OPRM1: variants seen among roughly 807,000 people sequenced by gnomAD.
The protein encoded by OPRM1 is opioid receptor mu 1, also known as mu-type opioid receptor.
Under a neutral mutation model 31.8 loss-of-function variants are expected in OPRM1, and 27 were observed. The ratio of observed to expected loss-of-function variants is 0.85; its 90% CI spans 0.63 to 1.17. The LOEUF (loss-of-function observed/expected upper bound fraction) is 1.17. OPRM1 is among the 50% of genes most tolerant of loss of function. OPRM1 has a pLI of 0.00. For missense variants in OPRM1, 536 were observed against 511.1 expected, an observed-to-expected ratio of 1.05 and a Z score of -0.47; for synonymous variants, 196 against 189.9, an observed-to-expected ratio of 1.03 and a Z score of -0.26.
rs1562472667 is a variant in OPRM1, at chr6:154,100,159, G to GACA, written c.1164+8687_1164+8688insACA. 6.4e-3 allele frequency among the ~76,000 whole-genome samples: 433 copies of GACA among 68,156 alleles called. 47 individuals carry two copies. The highest frequency in any genetic ancestry group is 0.024 in the African/African-American group (391 of 16,156). 44.7% of individuals were successfully genotyped at this position (68,156 alleles called of 152,430 possible). On this transcript the variant is annotated intron_variant, in intron 3 of 3. Transcript: ENST00000330432. ...ATAATATATATTATCATATTATGACGTATCATAATATATATTATCATATTA... is the reference window on the plus strand; with the variant it reads ...ATAATATATATTATCATATTATGACGACATATCATAATATATATTATCATATTA...
chr6:154,132,736 A>G (rs561555778), downstream of OPRM1, among the ~76,000 whole-genome samples: 2 of 152,314 alleles, frequency 1.3e-5, no homozygotes, highest in South Asian at 4.1e-4. Flanking sequence ...CAAGAAACAA[A>G]GAGTTTGATA....
At chr6:154,243,676 G>A (rs1780783126) in intron 3 of OPRM1, among the ~76,000 whole-genome samples, 1 of 152,186 alleles carries the variant, frequency 6.6e-6, no homozygotes, top group Admixed American at 6.5e-5. Flanking sequence ...CAGAAAACAG[G>A]GTGGTCTTAA....
chr6:154,166,638 T>C (rs1799457591), intron 3 of OPRM1, among the ~76,000 whole-genome samples: 1 of 152,192 alleles, frequency 6.6e-6, no homozygotes, highest in Non-Finnish European at 1.5e-5. Flanking sequence ...ATCATGTATT[T>C]GTTTTCCTCT....
chr6:154,171,630 T>C (rs1017790217), intron 3 of OPRM1, among the ~76,000 whole-genome samples: 2 of 152,214 alleles, frequency 1.3e-5, no homozygotes, highest in Non-Finnish European at 2.9e-5. Flanking sequence ...ATGTGAAATA[T>C]ATCTCAATAA....
chr6:154,175,846 A>G (rs1278018591), intron 3 of OPRM1, among the ~76,000 whole-genome samples: 1 of 152,178 alleles, frequency 6.6e-6, no homozygotes, highest in Non-Finnish European at 1.5e-5. Flanking sequence ...TCCTGATACC[A>G]AAGCCTGGCA....
At chr6:154,196,541 A>T (rs1309058168) in intron 3 of OPRM1, among the ~76,000 whole-genome samples, 1 of 152,232 alleles carries the variant, frequency 6.6e-6, no homozygotes, top group Non-Finnish European at 1.5e-5. Context: ...GCTTTTCAGC[A>T]TCCAGAGTAA....
intron 1 of OPRM1, among the ~76,000 whole-genome samples, chr6:154,085,255 A>G (rs1790253229): frequency 6.6e-6 from 1 of 152,218 alleles, no homozygotes; most frequent in Non-Finnish European, 1.5e-5. Flanking sequence ...AAAGTCATAT[A>G]TGCAACATAA....
At chr6:154,144,748 CAAAAA>C (rs58367883) in intron 3 of OPRM1, among the ~76,000 whole-genome samples, 1 of 70,504 alleles carries the variant, frequency 1.4e-5, no homozygotes, top group Non-Finnish European at 2.7e-5. Flanking sequence ...GACTCTGTCT[CAAAAA>C]AAAAAAAAAA....
intron 3 of OPRM1, among the ~76,000 whole-genome samples, chr6:154,203,231 A>C (rs1195940274): frequency 6.6e-6 from 1 of 152,114 alleles, no homozygotes; most frequent in African/African-American, 2.4e-5. Context: ...CCCCACCTCT[A>C]CTGGTAAATA....
intron 1 of OPRM1, among the ~76,000 whole-genome samples, chr6:154,069,459 G>A (rs1562423953): frequency 2.0e-5 from 3 of 152,194 alleles, no homozygotes; most frequent in East Asian, 1.9e-4. Flanking sequence ...GGATGGTCTC[G>A]ATCACTTGAC....
intron 3 of OPRM1, among the ~76,000 whole-genome samples, chr6:154,114,531 A>G (rs762035819): frequency 1.3e-5 from 2 of 152,180 alleles, no homozygotes; most frequent in African/African-American, 2.4e-5. Context: ...TAGTACTGCA[A>G]CAGCCCAGTA....
At chr6:154,111,713 G>A (rs766276252) in intron 3 of OPRM1, among the ~76,000 whole-genome samples, 9 of 151,790 alleles carry the variant, frequency 5.9e-5, no homozygotes, top group Non-Finnish European at 1.0e-4. Context: ...TAGCCCAAGG[G>A]TATTTGCTAG....
At chr6:154,144,195 AT>A (rs1798298525) in intron 3 of OPRM1, among the ~76,000 whole-genome samples, 1 of 152,202 alleles carries the variant, frequency 6.6e-6, no homozygotes, top group Non-Finnish European at 1.5e-5. Context: ...TCTCAAAAAA[AT>A]GTCTCCAAGC....
At chr6:154,075,491 T>C (rs1787688419) in intron 1 of OPRM1, among the ~76,000 whole-genome samples, 1 of 149,722 alleles carries the variant, frequency 6.7e-6, no homozygotes, top group African/African-American at 2.5e-5. Flanking sequence ...TTCACTCTGC[T>C]CCCAGGCTGG....
intron 1 of OPRM1, among the ~76,000 whole-genome samples, chr6:154,060,024 C>T (rs1015172448): frequency 2.0e-5 from 3 of 152,014 alleles, no homozygotes; most frequent in Non-Finnish European, 2.9e-5. Context: ...AATTTATTGC[C>T]GCAAGGAATC....
intron 3 of OPRM1, among the ~76,000 whole-genome samples, chr6:154,184,801 A>G (rs894772813): frequency 6.6e-5 from 10 of 152,176 alleles, no homozygotes; most frequent in Admixed American, 6.5e-5. Context: ...TATCAAGTAT[A>G]GTATCTTTCT....
At chr6:154,031,593 T>G (rs1214381755) in intron 1 of OPRM1, among the ~76,000 whole-genome samples, 1 of 150,416 alleles carries the variant, frequency 6.6e-6, no homozygotes, top group Non-Finnish European at 1.5e-5. Context: ...AAAAAAAAAT[T>G]AGCTGGGCAT....
chr6:154,165,198 A>G (rs1462493384), intron 3 of OPRM1, among the ~76,000 whole-genome samples: 1 of 152,142 alleles, frequency 6.6e-6, no homozygotes, highest in African/African-American at 2.4e-5. Flanking sequence ...GTGCTTAAAG[A>G]ATTATCACAA....
At chr6:154,156,773 A>G (rs1329832143) in intron 3 of OPRM1, 1 of 152,218 alleles carries the variant, frequency 6.6e-6, no homozygotes, top group Non-Finnish European at 1.5e-5. Flanking sequence ...CTTGCAATGC[A>G]GGGCTCAGAG....
Sources: allele counts gnomAD v4.1 joint callset (sites outside exome capture counted in the v4.1 genomes callset), GRCh38; gene constraint gnomAD v4.1.1; transcripts MANE v1.5; gene names NCBI Gene and HGNC (gene_info 2026-07-23, HGNC 2026-07-21).